Variants in TMPRSS15 observed in about 807,000 individuals in gnomAD.
The protein encoded by TMPRSS15 is enteropeptidase.
Under a neutral mutation model 125.3 loss-of-function variants are expected in TMPRSS15, and 128 were observed. That is an observed-to-expected ratio of 1.02 (90% CI 0.89 to 1.18). TMPRSS15 has a LOEUF of 1.18. Among genes scored for constraint, TMPRSS15 ranks in the 50% most tolerant of loss-of-function variants. The pLI, the probability that TMPRSS15 is intolerant of heterozygous loss-of-function variation, is 0.00. For synonymous variants in TMPRSS15, 446 were observed against 423.2 expected, an observed-to-expected ratio of 1.05 and a Z score of -0.66; for missense variants, 1,283 against 1,212.7, an observed-to-expected ratio of 1.06 and a Z score of -0.86.
At chr21:18,385,826 C>T (rs1045658306) in intron 3 of TMPRSS15, among the ~76,000 whole-genome samples, 1 of 152,080 alleles carries the variant, frequency 6.6e-6, no homozygotes, top group African/African-American at 2.4e-5. Flanking sequence ...TCACTGCAAC[C>T]TTCGCCTCCC....
chr21:18,285,239 G>A (rs1303261818), intron 21 of TMPRSS15, among the ~76,000 whole-genome samples: 2 of 152,082 alleles, frequency 1.3e-5, no homozygotes, highest in African/African-American at 4.8e-5. Flanking sequence ...TGAACTAGTG[G>A]TACCTCAGAT....
At chr21:18,442,926 A>C (rs181794309) in intron 1 of TMPRSS15, among the ~76,000 whole-genome samples, 1 of 152,300 alleles carries the variant, frequency 6.6e-6, no homozygotes, top group Admixed American at 6.5e-5. Flanking sequence ...TTAATCACCA[A>C]AGGTATTAGG....
At chr21:18,304,371 A>T (rs1860006012) in intron 18 of TMPRSS15, among the ~76,000 whole-genome samples, 1 of 152,158 alleles carries the variant, frequency 6.6e-6, no homozygotes, top group Admixed American at 6.6e-5. Context: ...TGAAATGAGT[A>T]TATGAAGGAT....
chr21:18,402,391 TG>T (rs2076103051), intron 1 of TMPRSS15, among the ~76,000 whole-genome samples: 1 of 151,878 alleles, frequency 6.6e-6, no homozygotes, highest in Admixed American at 6.6e-5. Flanking sequence ...TAGCTGGGCG[TG>T]ATGGCGCGCA....
intron 7 of TMPRSS15, among the ~76,000 whole-genome samples, chr21:18,364,838 G>GC (rs2075710852): frequency 1.3e-5 from 2 of 152,132 alleles, no homozygotes; most frequent in South Asian, 2.1e-4. Context: ...ACGATACACA[G>GC]ACATACATGT....
At chr21:18,384,439 G>A (rs2075923588) in intron 3 of TMPRSS15, among the ~76,000 whole-genome samples, 1 of 152,062 alleles carries the variant, frequency 6.6e-6, no homozygotes, top group African/African-American at 2.4e-5. Context: ...TCCAAACATA[G>A]CATTAGAGTT....
At chr21:18,324,694 A>G (rs1461085060) in intron 16 of TMPRSS15, among the ~76,000 whole-genome samples, 2 of 152,166 alleles carry the variant, frequency 1.3e-5, no homozygotes, top group Non-Finnish European at 2.9e-5. Flanking sequence ...AAAGTTTGCT[A>G]TTAACTAATT....
chr21:18,315,094 C>A, intron 17 of TMPRSS15, 52 bp downstream of exon 17: 1 of 1,398,942 alleles, frequency 7.1e-7, no homozygotes, highest in South Asian at 1.1e-5. Flanking sequence ...ACTGTAGAGT[C>A]CAAATGCAGA....
intron 21 of TMPRSS15, among the ~76,000 whole-genome samples, chr21:18,287,414 A>G (rs2074778387): frequency 6.6e-6 from 1 of 152,062 alleles, no homozygotes. Flanking sequence ...TTTTCTTTTT[A>G]ATGTTTAGAG....
intron 21 of TMPRSS15, among the ~76,000 whole-genome samples, chr21:18,292,645 A>T (rs1297266633): frequency 1.3e-5 from 2 of 152,208 alleles, no homozygotes; most frequent in African/African-American, 4.8e-5. Flanking sequence ...GAATTTGCCA[A>T]ATTCAAGGTT....
chr21:18,365,369 G>T (rs2075717045), intron 6 of TMPRSS15, 121 bp from the exon 7 acceptor site: 1 of 796,840 alleles, frequency 1.3e-6, no homozygotes, highest in African/African-American at 1.7e-5. Context: ...AAACTGAAAT[G>T]ATAGTAAGAT....
chr21:18,347,864 C>T (rs975380731), intron 10 of TMPRSS15, among the ~76,000 whole-genome samples: 1 of 152,066 alleles, frequency 6.6e-6, no homozygotes, highest in Non-Finnish European at 1.5e-5. Context: ...GCCATAGTGG[C>T]TCCCATCTGT....
chr21:18,289,969 T>A (rs1040303222), intron 21 of TMPRSS15, among the ~76,000 whole-genome samples: 5 of 152,228 alleles, frequency 3.3e-5, no homozygotes, highest in Non-Finnish European at 7.3e-5. Context: ...TTTTCCTATA[T>A]GTCAGCAGGA....
At chr21:18,483,449 G>A (rs1979022139) in intron 1 of TMPRSS15, among the ~76,000 whole-genome samples, 1 of 151,754 alleles carries the variant, frequency 6.6e-6, no homozygotes, top group African/African-American at 2.4e-5. Context: ...GCTACTCCAT[G>A]ATATTTTTGA....
chr21:18,471,779 G>T (rs1176550887), intron 1 of TMPRSS15, among the ~76,000 whole-genome samples: 1 of 152,046 alleles, frequency 6.6e-6, no homozygotes, highest in African/African-American at 2.4e-5. Flanking sequence ...GTAGATCTTT[G>T]CTTCCTTTCT....
chr21:18,290,934 GCAC>G (rs2074826423), intron 21 of TMPRSS15, among the ~76,000 whole-genome samples: 1 of 152,130 alleles, frequency 6.6e-6, no homozygotes, highest in South Asian at 2.1e-4. Context: ...AAAGAGCTCT[GCAC>G]TATTTTTGCA....
At chr21:18,347,703 TA>T (rs2075523444) in intron 10 of TMPRSS15, among the ~76,000 whole-genome samples, 4 of 152,240 alleles carry the variant, frequency 2.6e-5, no homozygotes, top group Non-Finnish European at 5.9e-5. Context: ...AATTTCTACA[TA>T]AAAGGAACAA....
At chr21:18,379,854 T>C (rs1165856516) in intron 4 of TMPRSS15, among the ~76,000 whole-genome samples, 1 of 152,084 alleles carries the variant, frequency 6.6e-6, no homozygotes, top group Non-Finnish European at 1.5e-5. Context: ...AAATAGGTCA[T>C]GTTTGTAAAA....
intron 4 of TMPRSS15, chr21:18,380,723 T>C (rs1427654134): frequency 3.0e-6 from 1 of 334,008 alleles, no homozygotes; most frequent in Admixed American, 3.6e-5. Context: ...ATGCTAAGCC[T>C]TCCTATTCAT....
Sources: gnomAD v4.1 joint callset for allele counts (sites outside exome capture counted in the v4.1 genomes callset) on GRCh38, gnomAD v4.1.1 for gene constraint, MANE v1.5 for transcripts, NCBI Gene and HGNC (gene_info 2026-07-23, HGNC 2026-07-21) for gene names.